Variants in PTPRU observed in about 807,000 individuals in gnomAD.
The protein encoded by PTPRU is protein tyrosine phosphatase receptor type U.
A neutral mutation model predicts 166.3 loss-of-function variants in PTPRU; 69 were observed. The ratio of observed to expected loss-of-function variants is 0.41; its 90% confidence interval spans 0.34 to 0.51. The LOEUF is 0.51. PTPRU is among the 20% of genes least tolerant of loss of function. The pLI is 0.09. For missense variants in PTPRU, 1,657 were observed against 2,013.7 expected (o/e 0.82, Z 3.39); for synonymous variants, 793 against 814.0 (o/e 0.97, Z 0.44).
At position 29,325,067 on chromosome 1, in the gene PTPRU, T is replaced by C. The variant is rs1574740681; in HGVS notation, c.4113-124T>C. The C allele has an allele frequency of 2.2e-6, 3 of 1,346,820 alleles. No individual in the cohort carries two copies. In the East Asian group the frequency reaches 6.9e-5, roughly 31 times the overall value. The allele number at this position is 1,346,820 out of a possible 1,614,324, so 83.4% of individuals were successfully genotyped here. ...CACCTCTGGGCTCTCTGCCCCACCC[T>C]TCTAGATTCCCTAGCTCCGTCCCTC... is the stretch of plus-strand genomic sequence containing the variant. On this transcript the variant is annotated intron_variant, in intron 28 of 29. Coordinates refer to ENST00000373779, the MANE Select transcript of PTPRU (RefSeq NM_133178.4).
chr1:29,272,928 GA>G (rs1039952350), intron 7 of PTPRU, among the ~76,000 whole-genome samples: 7 of 122,672 alleles, frequency 5.7e-5, no homozygotes, highest in East Asian at 3.4e-4. Context: ...AAAAAAAAAA[GA>G]AAAAAAAATG....
intron 7 of PTPRU, among the ~76,000 whole-genome samples, chr1:29,272,476 C>A (rs1398018522): frequency 2.6e-5 from 4 of 152,212 alleles, no homozygotes; most frequent in South Asian, 4.1e-4. Context: ...GAAACAGAAT[C>A]TTGTATTGTG....
chr1:29,325,143 C>T (rs1688348084), intron 28 of PTPRU, 48 bp from the exon 29 acceptor site: 1 of 1,610,460 alleles, frequency 6.2e-7, no homozygotes. Flanking sequence ...CTTTTCTTAC[C>T]TTCAGGTTCC....
rs535081694 is a variant in PTPRU at position 29,282,808 on chromosome 1, C to A, written c.2001C>A (p.Ala667=). ...LARGLVHYFG[A]ELAASSLPEA... ...GAGGCCTGGTGCACTACTTCGGGGC[C>A]GAACTGGCGGCCAGCAGTCTACCTG... Residue 667 remains alanine, a synonymous_variant, in exon 12 of 30, where the codon GCC becomes GCA. Transcript: ENST00000373779. 1 of 1,614,140 alleles carries A rather than the reference C, an allele frequency of 6.2e-7. No individual in the cohort carries two copies. The highest frequency in any genetic ancestry group is 8.5e-7 in the Non-Finnish European group (1 of 1,180,004).
chr1:29,286,460 T>A (rs751457451), intron 14 of PTPRU, among the ~76,000 whole-genome samples: 1 of 152,138 alleles, frequency 6.6e-6, no homozygotes, highest in African/African-American at 2.4e-5. Flanking sequence ...CCCAGGCCAC[T>A]TGGCTGATGA....
chr1:29,286,136 A>G (rs1686335364), intron 14 of PTPRU, among the ~76,000 whole-genome samples: 1 of 152,170 alleles, frequency 6.6e-6, no homozygotes. Context: ...AGCAAGAGAG[A>G]GAGAGTCTAG....
At chr1:29,287,668 C>A (rs1363474032) in intron 14 of PTPRU, among the ~76,000 whole-genome samples, 1 of 151,242 alleles carries the variant, frequency 6.6e-6, no homozygotes, top group Non-Finnish European at 1.5e-5. Flanking sequence ...GATCTCAGCT[C>A]ACTGCAAGCT....
At chr1:29,264,641 G>T (rs1159267313) in intron 7 of PTPRU, among the ~76,000 whole-genome samples, 4 of 152,094 alleles carry the variant, frequency 2.6e-5, no homozygotes, top group African/African-American at 9.7e-5. Flanking sequence ...GAGTAGCTGG[G>T]ATTACAGGCG....
intron 18 of PTPRU, among the ~76,000 whole-genome samples, chr1:29,306,349 T>C (rs1687389744): frequency 6.6e-6 from 1 of 152,208 alleles, no homozygotes; most frequent in South Asian, 2.1e-4. Flanking sequence ...GTATGAAATA[T>C]ATTTTGAGCA....
At chr1:29,266,632 C>T (rs536132727) in intron 7 of PTPRU, among the ~76,000 whole-genome samples, 1 of 152,286 alleles carries the variant, frequency 6.6e-6, no homozygotes, top group Admixed American at 6.5e-5. Flanking sequence ...TGTTTTACAA[C>T]ATGGGAATAA....
intron 15 of PTPRU, among the ~76,000 whole-genome samples, chr1:29,294,929 A>G (rs1375974099): frequency 6.6e-6 from 1 of 152,148 alleles, no homozygotes; most frequent in African/African-American, 2.4e-5. Context: ...GTTGATTCCT[A>G]ACCACACGGT....
rs1687845315 is a variant in PTPRU, at chr1:29,315,255, C to T, written c.3228-117C>T. The T allele has an allele frequency of 7.6e-7, 1 of 1,314,250 alleles. No individual in the cohort carries two copies. The highest frequency in any genetic ancestry group is 1.1e-6 in the Non-Finnish European group (1 of 949,532). 81.4% of individuals were successfully genotyped at this position (1,314,250 alleles called of 1,614,324 possible). A position where few individuals can be genotyped will look rare whatever the true frequency, so the allele number is the denominator to read the frequency against. On this transcript the variant is annotated intron_variant, in intron 22 of 29. Transcript: ENST00000373779. The surrounding 1 kb of genome is among the most constrained non-coding windows in gnomAD (Gnocchi z 4.5). ...CTTACTCGGGGAGGGGCAGTCATCT[C>T]TGTGTCCGTGTCCCCTGTATGGTGT...
chr1:29,300,296 G>A (rs1307703823), intron 15 of PTPRU, among the ~76,000 whole-genome samples: 1 of 152,094 alleles, frequency 6.6e-6, no homozygotes, highest in African/African-American at 2.4e-5. Context: ...AGCCCTCCGT[G>A]GCAAAAGATG....
chr1:29,304,669 C>T (rs1687298263), intron 16 of PTPRU, 105 bp from the exon 17 acceptor site: 1 of 792,300 alleles, frequency 1.3e-6, no homozygotes, highest in Admixed American at 2.8e-5. Context: ...TGAATCTGGC[C>T]CTTATCATCC....
intron 22 of PTPRU, among the ~76,000 whole-genome samples, chr1:29,314,724 C>T (rs1319098461): frequency 2.0e-5 from 3 of 152,028 alleles, no homozygotes; most frequent in Admixed American, 6.6e-5. Flanking sequence ...ATTACAGGCA[C>T]GTGCCACCAC....
rs1231854003 is a variant in PTPRU at position 29,238,234 on chromosome 1, C to T, written c.73+1517C>T. Among the ~76,000 whole-genome samples, 1 of 151,640 alleles carries T rather than the reference C, an allele frequency of 6.6e-6. No homozygotes were observed. Among genetic ancestry groups the T allele is most frequent in the Non-Finnish European group, 1.5e-5 (1 of 67,874 alleles). On this transcript the variant is annotated intron_variant, in intron 1 of 29. Transcript: ENST00000373779. The surrounding 1 kb of genome is among the most constrained non-coding windows in gnomAD (Gnocchi z 6.1). Reference sequence around the variant, plus strand: ...GAGCCTGTGTTTGTGTGTCCGTGTGCTCGTCGGAGTGTGGACGGTGTGTCG... The same window carrying T: ...GAGCCTGTGTTTGTGTGTCCGTGTGTTCGTCGGAGTGTGGACGGTGTGTCG...
At chr1:29,262,861 C>A (rs1685132181) in intron 7 of PTPRU, among the ~76,000 whole-genome samples, 1 of 152,160 alleles carries the variant, frequency 6.6e-6, no homozygotes, top group Admixed American at 6.6e-5. Context: ...ACACCTCTAG[C>A]CCTAGGCAAC....
chr1:29,259,826 C>T, intron 5 of PTPRU, 44 bp from the exon 6 acceptor site: 1 of 1,497,618 alleles, frequency 6.7e-7, no homozygotes, highest in Admixed American at 2.1e-5. Flanking sequence ...ATCGGGACCC[C>T]TCGCTCCGAG....
intron 1 of PTPRU, among the ~76,000 whole-genome samples, chr1:29,243,747 G>A (rs899991044): frequency 8.5e-5 from 13 of 152,338 alleles, no homozygotes; most frequent in African/African-American, 3.1e-4. Context: ...GGTCCCCAGG[G>A]CCTATACGTG....
Sources: gnomAD v4.1 joint callset for allele counts (sites outside exome capture counted in the v4.1 genomes callset) on GRCh38, gnomAD v4.1.1 for gene constraint, Gnocchi (gnomAD v3.1) non-coding constraint, MANE v1.5 for transcripts, NCBI Gene and HGNC (gene_info 2026-07-23, HGNC 2026-07-21) for gene names.